NYAP2: variants seen among roughly 807,000 people sequenced by gnomAD.
NYAP2 encodes neuronal tyrosine-phosphorylated phosphoinositide-3-kinase adaptor 2, also known as neuronal tyrosine-phosphorylated phosphoinositide-3-kinase adapter 2.
NYAP2 carries 23 observed loss-of-function variants against 50.4 expected under a neutral mutation model. That is an observed-to-expected ratio of 0.46 (90% CI 0.33 to 0.65). The LOEUF is 0.65. NYAP2 is among the 30% of genes least tolerant of loss of function. The pLI, the probability that NYAP2 is intolerant of heterozygous loss-of-function variation, is 0.02. For synonymous variants in NYAP2, 394 were observed against 365.2 expected (o/e 1.08, Z -0.90); for missense variants, 885 against 861.0 (o/e 1.03, Z -0.35).
chr2:225,576,515 T>A (rs1468360874), intron 4 of NYAP2, among the ~76,000 whole-genome samples: 1 of 152,248 alleles, frequency 6.6e-6, no homozygotes, highest in Non-Finnish European at 1.5e-5. Context: ...AGAGTTATTG[T>A]GAGCACAGTT....
intron 3 of NYAP2, among the ~76,000 whole-genome samples, chr2:225,507,436 T>C (rs558955846): frequency 6.6e-6 from 1 of 152,144 alleles, no homozygotes; most frequent in Non-Finnish European, 1.5e-5. Flanking sequence ...AGGAACAAAC[T>C]GTGGTGATTA....
chr2:225,578,774 T>A (rs1274777571), intron 4 of NYAP2, among the ~76,000 whole-genome samples: 2 of 152,162 alleles, frequency 1.3e-5, no homozygotes, highest in African/African-American at 4.8e-5. Context: ...GAGGATGACA[T>A]TAAAATGTTC....
exon 6 of NYAP2, chr2:225,627,112 G>A (rs1201117985): frequency 6.3e-7 from 1 of 1,586,362 alleles, no homozygotes; most frequent in Non-Finnish European, 8.6e-7. Context: ...TTGTTAGCGG[G>A]AAACCACAGT....
intron 2 of NYAP2, among the ~76,000 whole-genome samples, chr2:225,404,256 CATA>C (rs1694904775): frequency 6.6e-6 from 1 of 151,876 alleles, no homozygotes; most frequent in African/African-American, 2.4e-5. Flanking sequence ...CTAAGGGTCA[CATA>C]GTGTCTTAGC....
chr2:225,409,083 A>G, exon 3 of NYAP2: 1 of 1,602,054 alleles, frequency 6.2e-7, no homozygotes, highest in Non-Finnish European at 8.5e-7. Context: ...CGCCGAAGAC[A>G]AGAAGAAGCA....
At chr2:225,399,256 C>A (rs1694818550), upstream of NYAP2, among the ~76,000 whole-genome samples, 1 of 151,820 alleles carries the variant, frequency 6.6e-6, no homozygotes, top group South Asian at 2.1e-4. Flanking sequence ...TATCATAGTG[C>A]AAAATTAATA....
downstream of NYAP2, among the ~76,000 whole-genome samples, chr2:225,654,687 A>C (rs1194439876): frequency 6.6e-6 from 1 of 152,166 alleles, no homozygotes; most frequent in East Asian, 1.9e-4. Context: ...CCATCTCAAA[A>C]AAATAAAATA....
chr2:225,596,459 T>C (rs1692599446), intron 5 of NYAP2, among the ~76,000 whole-genome samples: 1 of 152,214 alleles, frequency 6.6e-6, no homozygotes. Context: ...TTCAACTATT[T>C]GAGTGAACAA....
At position 225,582,051 on chromosome 2, in the gene NYAP2, A is replaced by G. The variant is rs1382027508; in HGVS notation, c.634A>G (p.Ile212Val). The change falls in exon 5 of 7, where the codon ATC (isoleucine) becomes GTC (valine). Residue 212 changes from isoleucine (I) to valine (V), a missense_variant. Ile to Val is a conservative substitution (Grantham distance 29). Transcript: ENST00000636099. The surrounding 1 kb of genome is among the most constrained non-coding windows in gnomAD (Gnocchi z 7.0). ...GAGCACATCTTTCGATGAAACGTAC[A>G]TCAAAAAGCATGGGCCCCGGAGGAC... 4 of 1,614,036 alleles carry G rather than the reference A, an allele frequency of 2.5e-6. No individual in the cohort carries two copies. Among genetic ancestry groups the G allele is most frequent in the Non-Finnish European group, 3.4e-6 (4 of 1,179,892 alleles).
chr2:225,687,912 G>A, the NYAP2 span, among the ~76,000 whole-genome samples: 1 of 152,158 alleles, frequency 6.6e-6, no homozygotes, highest in Non-Finnish European at 1.5e-5. Flanking sequence ...CTCTCAAAAT[G>A]TGGTGCTCAG....
intron 6 of NYAP2, among the ~76,000 whole-genome samples, chr2:225,651,152 G>T (rs920819688): frequency 2.0e-5 from 3 of 152,132 alleles, no homozygotes; most frequent in African/African-American, 7.2e-5. Flanking sequence ...GTTGCTCCAG[G>T]GATGACTCCA....
chr2:225,570,656 C>T (rs1692052113), intron 4 of NYAP2, among the ~76,000 whole-genome samples: 1 of 152,292 alleles, frequency 6.6e-6, no homozygotes, highest in East Asian at 1.9e-4. Flanking sequence ...TCACTGGGCC[C>T]ATCCCATAAC....
In NYAP2 at chr2:225,613,387, G is replaced by T. The variant is rs571220329; in HGVS notation, c.1619-13530G>T. On this transcript the variant is annotated intron_variant, in intron 5 of 6. Coordinates refer to ENST00000636099, the Ensembl canonical transcript of NYAP2. The stretch of plus-strand genomic sequence containing the variant: ...CTTTATTCCACCTCTGCTGGCAGCT[G>T]ATTGGATGGTGCCCACCCACATTGA... Among the ~76,000 whole-genome samples, 50 of 152,240 alleles carry T rather than the reference G, an allele frequency of 3.3e-4. 2 individuals are homozygous for T. The South Asian group carries it at 7.3e-3, about 22-fold the overall frequency.
In NYAP2 at chr2:225,626,910, TAC is replaced by T. The variant is rs747516864; in HGVS notation, c.1619-3_1619-2del. Reference sequence around the variant, plus strand: ...TTTAACAGAATGTAATTCTGGTTACTACACAGAATCAACAGAGGAACTGAAAG... The same window carrying T: ...TTTAACAGAATGTAATTCTGGTTACTACAGAATCAACAGAGGAACTGAAAG... On this transcript the variant is annotated splice_region_variant and splice_polypyrimidine_tract_variant and intron_variant, in intron 5 of 6. Coordinates refer to ENST00000636099, the Ensembl canonical transcript of NYAP2. The T allele has an allele frequency of 3.8e-6, 6 of 1,559,504 alleles. No homozygotes were observed. The highest frequency in any genetic ancestry group is 5.2e-6 in the Non-Finnish European group (6 of 1,150,024).
intron 6 of NYAP2, among the ~76,000 whole-genome samples, chr2:225,642,396 T>C (rs1010665754): frequency 2.0e-5 from 3 of 152,174 alleles, no homozygotes; most frequent in Admixed American, 2.0e-4. Context: ...TCTTAACATG[T>C]ATTATCTTAT....
At chr2:225,411,368 A>C (rs141148430) in intron 3 of NYAP2, among the ~76,000 whole-genome samples, 349 of 152,244 alleles carry the variant, frequency 2.3e-3, no homozygotes, top group African/African-American at 7.9e-3. Context: ...GTTTCCATTT[A>C]ATGCAATGGC....
At chr2:225,422,899 G>T (rs1174062254) in intron 3 of NYAP2, among the ~76,000 whole-genome samples, 3 of 152,042 alleles carry the variant, frequency 2.0e-5, no homozygotes, top group Admixed American at 2.0e-4. Context: ...TCTTCCCAAT[G>T]GCTAGCTATC....
chr2:225,572,222 A>G (rs1692085911), intron 4 of NYAP2, among the ~76,000 whole-genome samples: 1 of 152,176 alleles, frequency 6.6e-6, no homozygotes, highest in African/African-American at 2.4e-5. Flanking sequence ...TCTGCCTGTT[A>G]CCCAGTTCCA....
chr2:225,622,386 A>C (rs952030095), intron 5 of NYAP2, among the ~76,000 whole-genome samples: 5 of 152,040 alleles, frequency 3.3e-5, no homozygotes, highest in African/African-American at 4.8e-5. Flanking sequence ...ACTGATTACC[A>C]TCCAAATGCC....
Sources: gnomAD v4.1 joint callset for allele counts (sites outside exome capture counted in the v4.1 genomes callset) on GRCh38, gnomAD v4.1.1 for gene constraint, Gnocchi (gnomAD v3.1) non-coding constraint, MANE v1.5 for transcripts, NCBI Gene and HGNC (gene_info 2026-07-23, HGNC 2026-07-21) for gene names.